MOGAT2: variants seen among roughly 807,000 people sequenced by gnomAD.
The protein encoded by MOGAT2 is 2-acylglycerol O-acyltransferase 2.
Under a neutral mutation model 31.5 loss-of-function variants are expected in MOGAT2, and 27 were observed. The ratio of observed to expected loss-of-function variants is 0.86; its 90% confidence interval spans 0.63 to 1.18. The LOEUF is 1.18. Among genes scored for constraint, MOGAT2 ranks in the 50% most tolerant of loss-of-function variants. The pLI is 0.00. For synonymous variants in MOGAT2, 163 were observed against 170.0 expected (o/e 0.96, Z 0.32); for missense variants, 436 against 433.2 (o/e 1.01, Z -0.06).
intron 2 of MOGAT2, among the ~76,000 whole-genome samples, chr11:75,726,137 A>G (rs1294569696): frequency 6.6e-6 from 1 of 152,072 alleles, no homozygotes; most frequent in South Asian, 2.1e-4. Context: ...TCAATCTACA[A>G]CGTCCGTTGG....
intron 2 of MOGAT2, among the ~76,000 whole-genome samples, chr11:75,723,295 T>G (rs1049492505): frequency 4.6e-5 from 7 of 151,920 alleles, no homozygotes; most frequent in Non-Finnish European, 8.8e-5. Context: ...GGATCCTTCC[T>G]CACCGCAGGC....
chr11:75,725,989 T>C (rs1328177424), intron 2 of MOGAT2, among the ~76,000 whole-genome samples: 2 of 152,194 alleles, frequency 1.3e-5, no homozygotes, highest in Admixed American at 1.3e-4. Context: ...CCCACAGCGA[T>C]AGTCTTTGTA....
intron 2 of MOGAT2, among the ~76,000 whole-genome samples, chr11:75,726,528 G>A (rs74826795): frequency 1.3e-5 from 2 of 151,978 alleles, no homozygotes; most frequent in Admixed American, 1.3e-4. Flanking sequence ...TCTAGAATAT[G>A]TATGACACCT....
chr11:75,719,998 T>G lies in MOGAT2; in HGVS notation c.98T>G (p.Ile33Ser). 6.2e-7 allele frequency: 1 copy of G among 1,613,814 alleles called. No individual in the cohort carries two copies. The highest frequency in any genetic ancestry group is 8.5e-7 in the Non-Finnish European group (1 of 1,180,010). Residue 33 changes from isoleucine to serine, a missense_variant, in exon 2 of 6, where the codon ATC becomes AGC. Physicochemically the swap from Ile to Ser is moderately radical, Grantham distance 142 (BLOSUM62 -2). Coordinates refer to ENST00000198801, the MANE Select transcript of MOGAT2 (RefSeq NM_025098.4). ...CTCCTTCTTCCCTCCCCAGCCGAGA[T>G]CTGCACTGTGGGCTTCATAGCCCTC... is the stretch of plus-strand genomic sequence containing the variant. ...FVFSFLALAEICTVGFIALLF... is the reference protein window; with the variant it reads ...FVFSFLALAESCTVGFIALLF...
At chr11:75,720,255 T>C (rs892069729) in intron 2 of MOGAT2, 85 bp downstream of exon 2, 13 of 1,459,330 alleles carry the variant, frequency 8.9e-6, no homozygotes, top group Non-Finnish European at 1.2e-5. Context: ...CATGGGAGAA[T>C]ATGGCCCTGC....
At chr11:75,719,225 G>A (rs1944356003) in intron 1 of MOGAT2, 1 of 152,304 alleles carries the variant, frequency 6.6e-6, no homozygotes, top group Non-Finnish European at 1.5e-5. Context: ...CAGTCAGAGG[G>A]GAATTCCACA....
chr11:75,725,328 C>T (rs1000350459), intron 2 of MOGAT2, among the ~76,000 whole-genome samples: 5 of 152,058 alleles, frequency 3.3e-5, no homozygotes, highest in African/African-American at 4.8e-5. Context: ...GCAGATCACA[C>T]GAGGCCAGGA....
intron 2 of MOGAT2, among the ~76,000 whole-genome samples, chr11:75,726,195 T>C (rs934165559): frequency 2.6e-5 from 4 of 152,204 alleles, no homozygotes; most frequent in African/African-American, 9.6e-5. Context: ...CCAGGCAAGC[T>C]GCTGCGATGG....
intron 5 of MOGAT2, among the ~76,000 whole-genome samples, chr11:75,730,103 A>G: frequency 6.6e-6 from 1 of 152,132 alleles, no homozygotes; most frequent in East Asian, 1.9e-4. Flanking sequence ...CCACTTGCTA[A>G]TTGAGCAGAC....
rs943325375 is a variant in MOGAT2 at position 75,731,540 on chromosome 11, A to T, written c.*254A>T. 4 of 400,192 alleles carry T rather than the reference A, an allele frequency of 1.0e-5. No homozygotes were observed. In the African/African-American group the frequency reaches 1.5e-4, roughly 15 times the overall value. 24.8% of individuals were successfully genotyped at this position (400,192 alleles called of 1,614,324 possible). A position where few individuals can be genotyped will look rare whatever the true frequency, so the allele number is the denominator to read the frequency against. ...ACATGGACACTGGGCCCCTCTCTATATTGAGTGGTCTGTTAACATTCATTG... is the reference window on the plus strand; with the variant it reads ...ACATGGACACTGGGCCCCTCTCTATTTTGAGTGGTCTGTTAACATTCATTG... On this transcript the variant is annotated 3_prime_UTR_variant, in exon 6 of 6. Coordinates refer to ENST00000198801, the MANE Select transcript of MOGAT2 (RefSeq NM_025098.4).
intron 2 of MOGAT2, among the ~76,000 whole-genome samples, chr11:75,725,210 A>G (rs1944411124): frequency 6.6e-6 from 1 of 152,170 alleles, no homozygotes; most frequent in South Asian, 2.1e-4. Context: ...GCAGTGAATG[A>G]AAATTTATAA....
chr11:75,719,920 G>A, intron 1 of MOGAT2, 72 bp from the exon 2 acceptor site: 3 of 1,501,386 alleles, frequency 2.0e-6, no homozygotes, highest in Non-Finnish European at 2.7e-6. Flanking sequence ...TATGGGCAGA[G>A]TTCAGTCTGA....
intron 1 of MOGAT2, among the ~76,000 whole-genome samples, chr11:75,718,981 T>TCACACACA (rs57949402): frequency 1.5e-4 from 22 of 150,096 alleles, no homozygotes; most frequent in African/African-American, 4.7e-4. Context: ...TCTCTCTCTC[T>TCACACACA]CACACACACA....
intron 2 of MOGAT2, among the ~76,000 whole-genome samples, chr11:75,726,842 G>C (rs1233546594): frequency 2.0e-5 from 3 of 151,930 alleles, no homozygotes; most frequent in Non-Finnish European, 4.4e-5. Context: ...GGGATTACAG[G>C]TGCCCGCCAC....
At chr11:75,728,351 TG>T in intron 4 of MOGAT2, 4 of 699,138 alleles carry the variant, frequency 5.7e-6, no homozygotes, top group Non-Finnish European at 1.0e-5. Flanking sequence ...AGAAACTAGG[TG>T]GCAATGAACA....
At chr11:75,719,521 T>A (rs1268949878) in intron 1 of MOGAT2, 1 of 156,434 alleles carries the variant, frequency 6.4e-6, no homozygotes, top group Non-Finnish European at 1.4e-5. Context: ...GGGAGGCACC[T>A]GGCTGGATTT....
rs1287411665 is a variant in MOGAT2 at position 75,728,072 on chromosome 11, A to T, written c.578A>T (p.Asp193Val). Residue 193 changes from aspartate to valine, a missense_variant, in exon 4 of 6, where the codon GAT (aspartate) becomes GTT (valine). By Grantham distance (152) the Asp-to-Val change is radical. Transcript: ENST00000198801. ...GTAGGGGGTGCCCAGGAGGCCCTGG[A>T]TGCCAGGCCTGGATCCTTCACGCTG... ...IIVGGAQEAL[D>V]ARPGSFTLLL... 9.9e-6 allele frequency: 16 copies of T among 1,614,010 alleles called. No individual in the cohort carries two copies. Among genetic ancestry groups the T allele is most frequent in the Non-Finnish European group, 1.4e-5 (16 of 1,180,026 alleles).
Position 75,717,866 on chromosome 11 carries a change from G to C in MOGAT2, c.-23G>C. 2 of 1,611,886 alleles carry C rather than the reference G, an allele frequency of 1.2e-6. No individual in the cohort carries two copies. The highest frequency in any genetic ancestry group is 1.7e-6 in the Non-Finnish European group (2 of 1,178,546). ...CCACAGCAGAGCTCACAGAACCTGC[G>C]GGAGCCAGGCTGACCCGCCAGCATG... On this transcript the variant is annotated 5_prime_UTR_variant, in exon 1 of 6. Coordinates refer to ENST00000198801, the MANE Select transcript of MOGAT2 (RefSeq NM_025098.4).
chr11:75,721,080 A>G (rs1031288630), intron 2 of MOGAT2, among the ~76,000 whole-genome samples: 3 of 152,064 alleles, frequency 2.0e-5, no homozygotes, highest in African/African-American at 7.2e-5. Context: ...GAAGCAGGAG[A>G]GAAGAAAGGG....
Sources: allele counts gnomAD v4.1 joint callset (sites outside exome capture counted in the v4.1 genomes callset), GRCh38; gene constraint gnomAD v4.1.1; transcripts MANE v1.5; gene names NCBI Gene and HGNC (gene_info 2026-07-23, HGNC 2026-07-21).